WDFY3: variants seen among roughly 807,000 people sequenced by gnomAD.
WDFY3 encodes WD repeat and FYVE domain containing 3.
WDFY3 carries 66 observed loss-of-function variants against 409.6 expected under a neutral mutation model. The ratio of observed to expected loss-of-function variants is 0.16; its 90% CI spans 0.13 to 0.20. The LOEUF is 0.20. WDFY3 is among the 10% of genes least tolerant of loss of function. The probability of loss-of-function intolerance (pLI) is 1.00; values close to 1 mark genes in which losing one functional copy is unlikely to be tolerated. For missense variants in WDFY3, 3,031 were observed against 4,298.1 expected, an observed-to-expected ratio of 0.71 and a Z score of 8.24; for synonymous variants, 1,521 against 1,537.1, an observed-to-expected ratio of 0.99 and a Z score of 0.25.
At chr4:84,765,156 T>G (rs1393958383) in intron 32 of WDFY3, among the ~76,000 whole-genome samples, 1 of 152,184 alleles carries the variant, frequency 6.6e-6, no homozygotes, top group African/African-American at 2.4e-5. Flanking sequence ...AAAGACAGTA[T>G]CTTCAAATAT....
At chr4:84,958,453 C>A (rs1774514555) in intron 1 of WDFY3, among the ~76,000 whole-genome samples, 1 of 152,084 alleles carries the variant, frequency 6.6e-6, no homozygotes, top group Non-Finnish European at 1.5e-5. Context: ...TTCCTCCCAT[C>A]CAAGACCTCA....
chr4:84,785,838 G>T, intron 24 of WDFY3, 141 bp downstream of exon 24: 1 of 1,067,240 alleles, frequency 9.4e-7, no homozygotes, highest in Non-Finnish European at 1.3e-6. Flanking sequence ...TACATTTGAA[G>T]TCAAATTAAC....
At chr4:84,914,329 G>A (rs1467041077) in intron 2 of WDFY3, among the ~76,000 whole-genome samples, 1 of 152,128 alleles carries the variant, frequency 6.6e-6, no homozygotes, top group African/African-American at 2.4e-5. Context: ...GCTGAGGCAG[G>A]AGAATCGCTT....
intron 3 of WDFY3, among the ~76,000 whole-genome samples, chr4:84,870,830 A>G (rs1044717004): frequency 2.6e-5 from 4 of 152,086 alleles, no homozygotes; most frequent in Non-Finnish European, 4.4e-5. Flanking sequence ...ATATTTAGTA[A>G]TAAGATTATA....
chr4:84,847,811 A>C lies in WDFY3; in HGVS notation c.304+2091T>G, dbSNP rs536917914. Among the ~76,000 whole-genome samples the C allele has an allele frequency of 3.1e-4, 47 of 150,028 alleles. 1 individual carries two copies. In the East Asian group the frequency reaches 4.3e-3, roughly 14 times the overall value. Reference sequence around the variant, plus strand: ...AAACCAAAAAAAAAAACAAAAAAAAACAAAAAAAACCCCAGAAAGGTAAGA... The same window carrying C: ...AAACCAAAAAAAAAAACAAAAAAAACCAAAAAAAACCCCAGAAAGGTAAGA... On this transcript the variant is annotated intron_variant, in intron 5 of 67. Transcript: ENST00000295888.
intron 1 of WDFY3, among the ~76,000 whole-genome samples, chr4:84,948,630 T>A (rs11097028): frequency 0.29 from 44,335 of 152,058 alleles, 6,618 homozygotes; most frequent in Middle Eastern, 0.33. Flanking sequence ...TACTGCAGAT[T>A]AGATAGTTAG....
At chr4:84,728,040 A>G (rs549727284) in intron 44 of WDFY3, among the ~76,000 whole-genome samples, 1 of 152,238 alleles carries the variant, frequency 6.6e-6, no homozygotes, top group Non-Finnish European at 1.5e-5. Context: ...ATCCAACATT[A>G]AAAAAAGAAA....
In WDFY3 at chr4:84,741,871, C is replaced by A. The variant is rs1738494613; in HGVS notation, c.6124G>T (p.Val2042Leu). The A allele has an allele frequency of 6.2e-7, 1 of 1,611,716 alleles. No homozygotes were observed. The highest frequency in any genetic ancestry group is 1.1e-5 in the South Asian group (1 of 90,912). The change falls in exon 38 of 68, where the codon GTG becomes TTG. Residue 2042 changes from valine (V) to leucine (L), a missense_variant. Around this residue, in one of 16 missense-constraint regions of WDFY3, gnomAD observed 314 missense variants for 397.4 expected, o/e 0.79. Coordinates refer to ENST00000295888, the MANE Select transcript of WDFY3 (RefSeq NM_014991.6). ...TGTGTGAAATAAAACACATTGTTCACCAATACCTGGTAGCTTCCTCCACTG... is the reference window on the plus strand; with the variant it reads ...TGTGTGAAATAAAACACATTGTTCAACAATACCTGGTAGCTTCCTCCACTG... Reference protein sequence around the residue: ...ITSGGSYQVLVNNVFYFTQRV... With the variant: ...ITSGGSYQVLLNNVFYFTQRV...
intron 42 of WDFY3, 99 bp downstream of exon 42, chr4:84,736,071 A>C: frequency 7.4e-7 from 1 of 1,343,318 alleles, no homozygotes; most frequent in South Asian, 1.8e-5. Flanking sequence ...TCTAAAGCAA[A>C]AATACAGAAA....
intron 7 of WDFY3, among the ~76,000 whole-genome samples, chr4:84,835,407 T>A (rs1418682622): frequency 6.6e-6 from 1 of 152,188 alleles, no homozygotes; most frequent in Non-Finnish European, 1.5e-5. Context: ...CCAATCTAAT[T>A]CAGGAATCAG....
In WDFY3 at chr4:84,952,331, T is replaced by C. The variant is rs1007778719; in HGVS notation, c.-226+13878A>G. Among the ~76,000 whole-genome samples, 98 of 152,206 alleles carry C rather than the reference T, an allele frequency of 6.4e-4. 2 individuals carry two copies. The highest frequency in any genetic ancestry group is 5.0e-3 in the Admixed American group (77 of 15,284). Reference sequence around the variant, plus strand: ...GAGGTGGAGAACATAAAAGAATGTATGACACCATTTTTCATTAATATTTAT... The same window carrying C: ...GAGGTGGAGAACATAAAAGAATGTACGACACCATTTTTCATTAATATTTAT... On this transcript the variant is annotated intron_variant, in intron 1 of 67. Coordinates refer to ENST00000295888, the MANE Select transcript of WDFY3 (RefSeq NM_014991.6).
At chr4:84,802,192 C>T (rs1750707514) in intron 16 of WDFY3, among the ~76,000 whole-genome samples, 1 of 152,036 alleles carries the variant, frequency 6.6e-6, no homozygotes, top group African/African-American at 2.4e-5. Flanking sequence ...AGGTGATCCA[C>T]CTGCCTCAGC....
intron 7 of WDFY3, 37 bp from the exon 8 acceptor site, chr4:84,831,642 G>A: frequency 1.9e-6 from 3 of 1,538,678 alleles, no homozygotes; most frequent in African/African-American, 2.8e-5. Context: ...GAGTGTATAA[G>A]CAAAAATCAA....
At chr4:84,931,804 G>A (rs924721818) in intron 2 of WDFY3, among the ~76,000 whole-genome samples, 3 of 152,110 alleles carry the variant, frequency 2.0e-5, no homozygotes, top group African/African-American at 7.2e-5. Flanking sequence ...GTAAAGTAAA[G>A]CATTAAAACT....
At position 84,760,674 on chromosome 4, in the gene WDFY3, C is replaced by T. The variant is rs1238292592; in HGVS notation, c.5189-3513G>A. 1.3e-4 allele frequency among the ~76,000 whole-genome samples: 19 copies of T among 151,678 alleles called. No homozygotes were observed. In the East Asian group the frequency reaches 1.9e-3, roughly 15 times the overall value. ...ATATCCCCTTTATCATTTTTTATTG[C>T]ATCTATTTGATTCTTCTCTCTTTTT... On this transcript the variant is annotated intron_variant, in intron 32 of 67. Transcript: ENST00000295888.
intron 31 of WDFY3, 103 bp downstream of exon 31, chr4:84,766,149 T>A: frequency 2.0e-6 from 3 of 1,488,310 alleles, no homozygotes; most frequent in Non-Finnish European, 2.7e-6. Flanking sequence ...ATTTCAGGGT[T>A]AAAAAAATCT....
intron 5 of WDFY3, among the ~76,000 whole-genome samples, chr4:84,847,433 G>A (rs969171708): frequency 2.0e-5 from 3 of 151,844 alleles, no homozygotes; most frequent in Admixed American, 6.6e-5. Context: ...TATTAAACCT[G>A]AAAGAAACAG....
intron 13 of WDFY3, among the ~76,000 whole-genome samples, chr4:84,813,062 TA>T (rs1036340200): frequency 6.6e-6 from 1 of 152,128 alleles, no homozygotes; most frequent in Non-Finnish European, 1.5e-5. Flanking sequence ...CAGGTTTGTG[TA>T]TAAATAATTA....
At chr4:84,740,469 G>A in intron 38 of WDFY3, 53 bp from the exon 39 acceptor site, 2 of 1,560,866 alleles carry the variant, frequency 1.3e-6, no homozygotes, top group Non-Finnish European at 8.8e-7. Flanking sequence ...TAAAACACCT[G>A]TTAATCATTC....
Sources: gnomAD v4.1 joint callset for allele counts (sites outside exome capture counted in the v4.1 genomes callset) on GRCh38, gnomAD v4.1.1 for gene constraint, gnomAD v4.1.1 regional missense constraint, MANE v1.5 for transcripts, NCBI Gene and HGNC (gene_info 2026-07-23, HGNC 2026-07-21) for gene names.